ABCC8: variants seen among roughly 807,000 people sequenced by gnomAD.
The protein encoded by ABCC8 is ATP binding cassette subfamily C member 8.
A neutral mutation model predicts 188.0 loss-of-function variants in ABCC8; 137 were observed. The observed-to-expected ratio is 0.73, with a 90% CI of 0.63 to 0.84. The LOEUF is 0.84. ABCC8 is among the 40% of genes least tolerant of loss of function. ABCC8 has a pLI of 0.00. For synonymous variants in ABCC8, 797 were observed against 846.5 expected (o/e 0.94, Z 1.01); for missense variants, 1,750 against 2,072.7 (o/e 0.84, Z 3.02).
chr11:17,437,537 G>A (rs73423073), intron 10 of ABCC8, among the ~76,000 whole-genome samples: 1 of 152,244 alleles, frequency 6.6e-6, no homozygotes, highest in East Asian at 1.9e-4. Flanking sequence ...TGCAGGAGGG[G>A]AAGTGCATTT....
chr11:17,401,131 T>C (rs978725080), intron 29 of ABCC8, among the ~76,000 whole-genome samples: 5 of 152,166 alleles, frequency 3.3e-5, no homozygotes, highest in Non-Finnish European at 7.4e-5. Flanking sequence ...AGAGTCACCA[T>C]CTCTCTACCC....
At chr11:17,432,300 G>A (rs1222401776) in intron 10 of ABCC8, 56 bp from the exon 11 acceptor site, 2 of 1,551,676 alleles carry the variant, frequency 1.3e-6, no homozygotes, top group Non-Finnish European at 1.7e-6. Context: ...GCTACACATG[G>A]AGATGCCCAG....
intron 7 of ABCC8, among the ~76,000 whole-genome samples, chr11:17,451,497 A>G (rs1323568264): frequency 6.6e-6 from 1 of 152,238 alleles, no homozygotes; most frequent in African/African-American, 2.4e-5. Context: ...CACCGTTCAC[A>G]CAGACTATTC....
In ABCC8 at chr11:17,410,632, C is replaced by G; in HGVS notation, c.2578G>C (p.Asp860His). The G allele has an allele frequency of 6.2e-7, 1 of 1,613,978 alleles. No individual in the cohort carries two copies. Among genetic ancestry groups the G allele is most frequent in the Non-Finnish European group, 8.5e-7 (1 of 1,179,956 alleles). Residue 860 changes from aspartate to histidine, a missense_variant, in exon 22 of 39, where the codon GAT becomes CAT. By Grantham distance (81) the Asp-to-His change is moderately conservative. Transcript: ENST00000389817. ...VFLDDPFSAL[D>H]IHLSDHLMQA... The stretch of plus-strand genomic sequence containing the variant: ...ATTAAGTGGTCACTCAGATGGATAT[C>G]CAGAGCTGAGAAGGGGTCATCCTGG...
intron 36 of ABCC8, 161 bp from the exon 37 acceptor site, chr11:17,394,560 C>T (rs1953808414): frequency 1.2e-6 from 1 of 835,224 alleles, no homozygotes; most frequent in South Asian, 5.5e-5. Flanking sequence ...GTGCACCTGA[C>T]ACAACAATGT....
intron 3 of ABCC8, among the ~76,000 whole-genome samples, chr11:17,467,185 G>A (rs1378425891): frequency 2.0e-5 from 3 of 152,072 alleles, no homozygotes; most frequent in Non-Finnish European, 4.4e-5. Context: ...TTGGGAAGTT[G>A]AGACCTGATC....
intron 7 of ABCC8, 193 bp from the exon 8 acceptor site, chr11:17,448,864 G>A (rs1480645773): frequency 4.4e-6 from 1 of 228,436 alleles, no homozygotes; most frequent in Non-Finnish European, 7.2e-6. Flanking sequence ...TACTTCTCCA[G>A]CAAGTAAGGC....
rs199626046 is a variant in ABCC8, at chr11:17,404,554, A to G, written c.3515T>C (p.Ile1172Thr). 2 of 1,614,102 alleles carry G rather than the reference A, an allele frequency of 1.2e-6. No individual in the cohort carries two copies. The highest frequency in any genetic ancestry group is 1.7e-6 in the Non-Finnish European group (2 of 1,180,004). The change falls in exon 28 of 39, where the codon ATC (isoleucine) becomes ACC (threonine). Residue 1172 changes from isoleucine to threonine, a missense_variant. By Grantham distance (89) the Ile-to-Thr change is moderately conservative. Coordinates refer to ENST00000389817, the MANE Select transcript of ABCC8 (RefSeq NM_000352.6). The surrounding 1 kb of genome is among the most constrained non-coding windows in gnomAD (Gnocchi z 4.7). ...VFLVALLPLA[I>T]VCYFIQKYFR... Reference sequence around the variant, plus strand: ...GTACTTCTGGATGAAGTAGCACACGATGGCCAGGGGCAAGAGGGCCACGAG... The same window carrying G: ...GTACTTCTGGATGAAGTAGCACACGGTGGCCAGGGGCAAGAGGGCCACGAG...
intron 7 of ABCC8, 134 bp from the exon 8 acceptor site, chr11:17,448,805 G>A (rs767723312): frequency 6.9e-7 from 1 of 1,441,920 alleles, no homozygotes; most frequent in Middle Eastern, 1.8e-4. Flanking sequence ...TCTGTAAGGT[G>A]GTACTGTATC....
chr11:17,462,155 T>C (rs1366002376), intron 4 of ABCC8, among the ~76,000 whole-genome samples: 2 of 152,226 alleles, frequency 1.3e-5, no homozygotes, highest in African/African-American at 2.4e-5. Context: ...ATGTTTCATA[T>C]ACAGTTCACA....
chr11:17,397,102 G>C, intron 32 of ABCC8, 56 bp from the exon 33 acceptor site: 1 of 1,613,836 alleles, frequency 6.2e-7, no homozygotes, highest in Non-Finnish European at 8.5e-7. Context: ...GTATCCGAAA[G>C]TGCCACCCCA....
intron 12 of ABCC8, 97 bp downstream of exon 12, chr11:17,430,717 G>A (rs928673034): frequency 1.7e-5 from 24 of 1,399,188 alleles, no homozygotes; most frequent in African/African-American, 7.1e-5. Context: ...GGTGTGTTCC[G>A]GGACCAAACA....
chr11:17,467,750 G>A, intron 3 of ABCC8, among the ~76,000 whole-genome samples: 1 of 152,000 alleles, frequency 6.6e-6, no homozygotes, highest in East Asian at 1.9e-4. Context: ...ATTTCCTTCT[G>A]TCCCTGCAGT....
Position 17,405,500 on chromosome 11 carries a change from G to A in ABCC8, c.3393C>T (p.Ile1131=), listed in dbSNP as rs776975807. The part of the protein sequence containing the change: ...LNRFSSDCNT[I]DQHIPSTLEC... ...GTGGCACGGTCCTCTGTACCTGGTCGATGGTGTTACAGTCAGATGAAAATC... is the reference window on the plus strand; with the variant it reads ...GTGGCACGGTCCTCTGTACCTGGTCAATGGTGTTACAGTCAGATGAAAATC... Residue 1131 remains isoleucine (I), a synonymous_variant, in exon 27 of 39, where the codon ATC becomes ATT. Transcript: ENST00000389817. 111 of 1,614,126 alleles carry A rather than the reference G, an allele frequency of 6.9e-5. 2 individuals carry two copies. The South Asian group carries it at 8.2e-4, about 12-fold the overall frequency.
At chr11:17,438,519 C>T (rs954721592) in intron 10 of ABCC8, among the ~76,000 whole-genome samples, 2 of 152,174 alleles carry the variant, frequency 1.3e-5, no homozygotes, top group African/African-American at 4.8e-5. Flanking sequence ...TCACAATGGA[C>T]AGAATGAACT....
chr11:17,445,826 G>T lies in ABCC8; in HGVS notation c.1333-2514C>A, dbSNP rs554631851. 2.0e-5 allele frequency among the ~76,000 whole-genome samples: 3 copies of T among 152,248 alleles called. No homozygotes were observed. In the East Asian group the frequency reaches 5.8e-4, roughly 29 times the overall value. ...TGCAAGGGTTAAATTATACAAGGGAGGGGGGCTGGGACAGGGCCAGGCATA... is the reference window on the plus strand; with the variant it reads ...TGCAAGGGTTAAATTATACAAGGGATGGGGGCTGGGACAGGGCCAGGCATA... On this transcript the variant is annotated intron_variant, in intron 8 of 38. Transcript: ENST00000389817.
chr11:17,461,826 C>G lies in ABCC8; in HGVS notation c.580-1G>C. 1 of 1,613,974 alleles carries G rather than the reference C, an allele frequency of 6.2e-7. No individual in the cohort carries two copies. The highest frequency in any genetic ancestry group is 8.5e-7 in the Non-Finnish European group (1 of 1,180,014). The stretch of plus-strand genomic sequence containing the variant: ...TCGGTGTCTTGAAGAAGATGTATCT[C>G]TGTGGGGCACATGGGCCATGGGGGA... On this transcript the variant is annotated splice_acceptor_variant, in intron 4 of 38. Transcript: ENST00000389817. LOFTEE classifies it high-confidence loss of function.
At chr11:17,425,771 G>A (rs1955552005) in intron 16 of ABCC8, among the ~76,000 whole-genome samples, 1 of 152,092 alleles carries the variant, frequency 6.6e-6, no homozygotes. Context: ...ATGCCATGGT[G>A]GTTTGCTGCA....
chr11:17,448,773 C>A, intron 7 of ABCC8, 102 bp from the exon 8 acceptor site: 4 of 1,591,046 alleles, frequency 2.5e-6, no homozygotes, highest in Non-Finnish European at 3.4e-6. Flanking sequence ...CTCAGACAGT[C>A]CCCATGGTGC....
Sources: gnomAD v4.1 joint callset for allele counts (sites outside exome capture counted in the v4.1 genomes callset) on GRCh38, gnomAD v4.1.1 for gene constraint, Gnocchi (gnomAD v3.1) non-coding constraint, MANE v1.5 for transcripts, NCBI Gene and HGNC (gene_info 2026-07-23, HGNC 2026-07-21) for gene names.